Variants in SPAG16 observed in about 807,000 individuals in gnomAD.
SPAG16 encodes sperm associated antigen 16.
SPAG16 carries 86 observed loss-of-function variants against 80.4 expected under a neutral mutation model. That is an observed-to-expected ratio of 1.07 (90% CI 0.90 to 1.28). The LOEUF is 1.28. Among genes scored for constraint, SPAG16 ranks in the 50% most tolerant of loss-of-function variants. The pLI is 0.00. For missense variants in SPAG16, 870 were observed against 765.3 expected (o/e 1.14, Z -1.61); for synonymous variants, 294 against 265.9 (o/e 1.11, Z -1.03).
At chr2:214,017,438 GT>G (rs1159195699) in intron 13 of SPAG16, among the ~76,000 whole-genome samples, 8 of 152,154 alleles carry the variant, frequency 5.3e-5, no homozygotes, top group African/African-American at 1.7e-4. Flanking sequence ...TGACTTCAAG[GT>G]TTTTTTCTCT....
intron 15 of SPAG16, among the ~76,000 whole-genome samples, chr2:214,176,568 T>C (rs2057088067): frequency 6.6e-6 from 1 of 151,316 alleles, no homozygotes; most frequent in South Asian, 2.1e-4. Flanking sequence ...TTTGTGAATT[T>C]TTAAAGGTAA....
intron 9 of SPAG16, among the ~76,000 whole-genome samples, chr2:213,405,132 A>G (rs976628536): frequency 1.3e-5 from 2 of 152,190 alleles, no homozygotes; most frequent in African/African-American, 4.8e-5. Flanking sequence ...CAACAAGATG[A>G]ACCTAAGGTT....
chr2:213,388,277 G>T (rs2125279356), intron 9 of SPAG16, among the ~76,000 whole-genome samples: 1 of 152,296 alleles, frequency 6.6e-6, no homozygotes, highest in East Asian at 1.9e-4. Flanking sequence ...GACAAAGAGG[G>T]TTATAGCAAT....
Position 213,980,414 on chromosome 2 carries a change from C to CTA in SPAG16, c.1401-33526_1401-33525dup, listed in dbSNP as rs1216557284. 1.0e-3 allele frequency among the ~76,000 whole-genome samples: 24 copies of CTA among 23,502 alleles called. 6 individuals carry two copies. Among genetic ancestry groups the CTA allele is most frequent in the Non-Finnish European group, 1.4e-3 (20 of 14,798 alleles). The allele number at this position is 23,502 out of a possible 152,430, so 15.4% of individuals were successfully genotyped here. ...TAGAATATATGTGTGTATATATATT[C>CTA]TATATATATATAGAATATATGTGTG... is the stretch of plus-strand genomic sequence containing the variant. On this transcript the variant is annotated intron_variant, in intron 12 of 15. Transcript: ENST00000331683.
intron 15 of SPAG16, among the ~76,000 whole-genome samples, chr2:214,221,314 C>G (rs1054775466): frequency 4.6e-5 from 7 of 151,840 alleles, no homozygotes; most frequent in Admixed American, 3.3e-4. Flanking sequence ...TGTAACTTAT[C>G]TTATTTCTTT....
chr2:213,680,587 C>A (rs1033179786), intron 10 of SPAG16, among the ~76,000 whole-genome samples: 1 of 152,120 alleles, frequency 6.6e-6, no homozygotes, highest in African/African-American at 2.4e-5. Flanking sequence ...GGATGATATG[C>A]TCGAATATGT....
At chr2:213,685,430 T>C (rs921035762) in intron 10 of SPAG16, among the ~76,000 whole-genome samples, 1 of 152,242 alleles carries the variant, frequency 6.6e-6, no homozygotes, top group Non-Finnish European at 1.5e-5. Flanking sequence ...GGCCTGGAAC[T>C]GATCCTTCCC....
intron 15 of SPAG16, among the ~76,000 whole-genome samples, chr2:214,343,638 C>A (rs1697862428): frequency 6.6e-6 from 1 of 151,962 alleles, no homozygotes; most frequent in Non-Finnish European, 1.5e-5. Flanking sequence ...GACATTAAGC[C>A]AACTAAGACA....
At chr2:213,868,363 T>C (rs559283514) in intron 11 of SPAG16, among the ~76,000 whole-genome samples, 1 of 152,040 alleles carries the variant, frequency 6.6e-6, no homozygotes, top group Non-Finnish European at 1.5e-5. Context: ...TTTTGCACAA[T>C]ATAAAAAATA....
chr2:213,817,216 ATATATATATATATGCT>A (rs1437018187), intron 10 of SPAG16, among the ~76,000 whole-genome samples: 1 of 71,200 alleles, frequency 1.4e-5, no homozygotes, highest in Non-Finnish European at 3.0e-5. Flanking sequence ...AAGCATGCAT[ATATATATATATATGCT>A]TATATATATA....
chr2:213,591,137 A>G (rs1169805387), intron 10 of SPAG16, among the ~76,000 whole-genome samples: 1 of 152,186 alleles, frequency 6.6e-6, no homozygotes, highest in Non-Finnish European at 1.5e-5. Context: ...TTTATTCTAT[A>G]TTCTTGCCAT....
At chr2:214,044,012 T>G (rs1212487327) in intron 13 of SPAG16, among the ~76,000 whole-genome samples, 1 of 152,112 alleles carries the variant, frequency 6.6e-6, no homozygotes, top group African/African-American at 2.4e-5. Flanking sequence ...TTCTTTAGTC[T>G]CTAATTTTAT....
At chr2:214,182,381 T>C (rs563682006) in intron 15 of SPAG16, among the ~76,000 whole-genome samples, 2 of 151,810 alleles carry the variant, frequency 1.3e-5, no homozygotes, top group Non-Finnish European at 1.5e-5. Flanking sequence ...CTTTTCAAAG[T>C]ATATAGTCTA....
intron 10 of SPAG16, among the ~76,000 whole-genome samples, chr2:213,628,927 T>A (rs987896265): frequency 6.6e-6 from 1 of 152,162 alleles, no homozygotes; most frequent in Admixed American, 6.5e-5. Flanking sequence ...CTATGGTAGA[T>A]GCTAAAAATG....
chr2:214,041,932 T>C (rs567080213), intron 13 of SPAG16, among the ~76,000 whole-genome samples: 1 of 146,052 alleles, frequency 6.8e-6, no homozygotes, highest in Admixed American at 6.9e-5. Flanking sequence ...TTTGTGTATA[T>C]ATTTATATAT....
intron 15 of SPAG16, among the ~76,000 whole-genome samples, chr2:214,278,460 A>G (rs1407525304): frequency 1.3e-5 from 2 of 152,104 alleles, no homozygotes; most frequent in African/African-American, 4.8e-5. Flanking sequence ...ACCGGACCAC[A>G]TCCTCTTTCA....
intron 10 of SPAG16, among the ~76,000 whole-genome samples, chr2:213,515,476 A>G (rs1413222579): frequency 6.6e-6 from 1 of 152,096 alleles, no homozygotes; most frequent in Non-Finnish European, 1.5e-5. Flanking sequence ...ATATTTGTAC[A>G]CCTGCTGTGT....
intron 13 of SPAG16, among the ~76,000 whole-genome samples, chr2:214,082,451 T>C (rs1035346151): frequency 5.3e-5 from 8 of 152,198 alleles, no homozygotes; most frequent in Non-Finnish European, 1.2e-4. Context: ...TATACTGCCA[T>C]TTTTAGGATA....
intron 9 of SPAG16, among the ~76,000 whole-genome samples, chr2:213,458,628 A>G (rs1471638685): frequency 2.6e-5 from 4 of 152,144 alleles, no homozygotes; most frequent in African/African-American, 9.7e-5. Context: ...ACATTATTTC[A>G]TTTTGTTTAA....
Sources: allele counts gnomAD v4.1 joint callset (sites outside exome capture counted in the v4.1 genomes callset), GRCh38; gene constraint gnomAD v4.1.1; transcripts MANE v1.5; gene names NCBI Gene and HGNC (gene_info 2026-07-23, HGNC 2026-07-21).